ADAM28: variants seen among roughly 807,000 people sequenced by gnomAD.
ADAM28 encodes the protein disintegrin and metalloproteinase domain-containing protein 28.
A neutral mutation model predicts 101.2 loss-of-function variants in ADAM28; 105 were observed. The observed-to-expected ratio is 1.04, with a 90% CI of 0.89 to 1.22. The LOEUF is 1.22. Among genes scored for constraint, ADAM28 ranks in the 50% most tolerant of loss-of-function variants. ADAM28 has a pLI of 0.00. For missense variants in ADAM28, 1,028 were observed against 945.4 expected, an observed-to-expected ratio of 1.09 and a Z score of -1.15; for synonymous variants, 322 against 310.6, an observed-to-expected ratio of 1.04 and a Z score of -0.39.
intron 2 of ADAM28, among the ~76,000 whole-genome samples, chr8:24,306,463 A>G (rs1265626635): frequency 6.7e-6 from 1 of 149,612 alleles, no homozygotes; most frequent in African/African-American, 2.5e-5. Context: ...AATGAATCTA[A>G]TTTTCCCAGC....
At chr8:24,350,083 T>G (rs895581978) in intron 19 of ADAM28, 111 bp downstream of exon 19, 2 of 915,138 alleles carry the variant, frequency 2.2e-6, no homozygotes, top group African/African-American at 3.3e-5. Flanking sequence ...CTTCTAATAT[T>G]CAGAAATACA....
intron 22 of ADAM28, among the ~76,000 whole-genome samples, 185 bp downstream of exon 22, chr8:24,354,017 AT>A (rs1194795172): frequency 1.3e-5 from 2 of 152,074 alleles, no homozygotes; most frequent in Non-Finnish European, 2.9e-5. Context: ...AAATTAGAAG[AT>A]TCTCAGCTAG....
At chr8:24,341,547 T>C in intron 15 of ADAM28, 51 bp from the exon 16 acceptor site, 1 of 1,570,706 alleles carries the variant, frequency 6.4e-7, no homozygotes, top group Non-Finnish European at 8.7e-7. Flanking sequence ...CTAGAGCATT[T>C]ATGTAAAACT....
chr8:24,343,267 A>C (rs1392952750), intron 17 of ADAM28, 86 bp downstream of exon 17: 1 of 1,483,506 alleles, frequency 6.7e-7, no homozygotes, highest in Admixed American at 1.8e-5. Context: ...GAATATTTTC[A>C]GCTTTAAATG....
chr8:24,327,348 C>A (rs1168553419), intron 10 of ADAM28, among the ~76,000 whole-genome samples: 1 of 152,068 alleles, frequency 6.6e-6, no homozygotes, highest in Non-Finnish European at 1.5e-5. Flanking sequence ...TGAAGGACCT[C>A]TTCAAGGAGA....
At chr8:24,352,942 T>C (rs114309139) in intron 21 of ADAM28, among the ~76,000 whole-genome samples, 1,544 of 152,252 alleles carry the variant, frequency 0.01, 27 homozygotes, top group African/African-American at 0.036. Context: ...CAGATAGTCA[T>C]TGGTGAATTT....
intron 8 of ADAM28, among the ~76,000 whole-genome samples, chr8:24,323,632 A>G (rs1158275183): frequency 6.6e-6 from 1 of 151,906 alleles, no homozygotes; most frequent in Non-Finnish European, 1.5e-5. Context: ...GACCTAAACT[A>G]TCTTAGTGTA....
At chr8:24,324,111 A>T (rs1812237674) in intron 9 of ADAM28, 108 bp downstream of exon 9, 1 of 964,808 alleles carries the variant, frequency 1.0e-6, no homozygotes, top group East Asian at 2.6e-5. Context: ...TTTATAGAGC[A>T]CTTACTTGGA....
At chr8:24,311,587 C>A in intron 5 of ADAM28, 150 bp downstream of exon 5, 1 of 503,250 alleles carries the variant, frequency 2.0e-6, no homozygotes, top group Non-Finnish European at 3.3e-6. Context: ...GAAGAAACAC[C>A]GCTTCTCTTG....
At chr8:24,300,524 C>T (rs913772053) in intron 2 of ADAM28, among the ~76,000 whole-genome samples, 28 of 152,144 alleles carry the variant, frequency 1.8e-4, no homozygotes, top group Non-Finnish European at 3.2e-4. Context: ...TCACGCCATT[C>T]TCCGCCTCAG....
chr8:24,315,358 A>G (rs6988631), intron 6 of ADAM28, among the ~76,000 whole-genome samples: 24,696 of 151,960 alleles, frequency 0.16, 2,121 homozygotes, highest in East Asian at 0.34. Flanking sequence ...GAAATGAAAA[A>G]AAGATCTTAA....
Position 24,335,651 on chromosome 8 carries a change from C to G in ADAM28, c.1567+10C>G. 2 of 1,585,716 alleles carry G rather than the reference C, an allele frequency of 1.3e-6. No individual in the cohort carries two copies. The highest frequency in any genetic ancestry group is 1.7e-6 in the Non-Finnish European group (2 of 1,166,620). ...GAGCTGTGGGGACCAGGTAGGAGGACAAATCCTTTCCCCTGTGCATGTGCG... is the reference window on the plus strand; with the variant it reads ...GAGCTGTGGGGACCAGGTAGGAGGAGAAATCCTTTCCCCTGTGCATGTGCG... On this transcript the variant is annotated intron_variant, in intron 14 of 22. Transcript: ENST00000265769.
At chr8:24,301,463 ATC>A (rs1808761175) in intron 2 of ADAM28, among the ~76,000 whole-genome samples, 1 of 152,192 alleles carries the variant, frequency 6.6e-6, no homozygotes, top group Non-Finnish European at 1.5e-5. Flanking sequence ...TATCCCCTGA[ATC>A]TAAAATAAAA....
chr8:24,345,527 T>G lies in ADAM28; in HGVS notation c.1990+1943T>G, dbSNP rs1038298200. Among the ~76,000 whole-genome samples the G allele has an allele frequency of 2.0e-5, 3 of 152,088 alleles. No homozygotes were observed. In the South Asian group the frequency reaches 6.2e-4, roughly 32 times the overall value. ...ATTTTTATGTGTCTTTGAAATATTTTTTTATCCCAGTTGGTTGTTTTCTCC... is the reference window on the plus strand; with the variant it reads ...ATTTTTATGTGTCTTTGAAATATTTGTTTATCCCAGTTGGTTGTTTTCTCC... On this transcript the variant is annotated intron_variant, in intron 18 of 22. Transcript: ENST00000265769.
chr8:24,330,584 T>C (rs1217985850), intron 11 of ADAM28, among the ~76,000 whole-genome samples: 2 of 152,196 alleles, frequency 1.3e-5, no homozygotes, highest in Non-Finnish European at 1.5e-5. Context: ...ATTCATGTCC[T>C]CTTTTCTATA....
chr8:24,350,565 C>T (rs1399963315), intron 19 of ADAM28, among the ~76,000 whole-genome samples: 1 of 152,170 alleles, frequency 6.6e-6, no homozygotes, highest in African/African-American at 2.4e-5. Context: ...CCCACTTTGG[C>T]TTCCCTAAGT....
intron 6 of ADAM28, 90 bp from the exon 7 acceptor site, chr8:24,320,146 C>A: frequency 2.1e-6 from 2 of 932,580 alleles, no homozygotes; most frequent in South Asian, 2.9e-5. Context: ...AGATATCAAC[C>A]AACTGCTTAT....
chr8:24,320,298 T>A lies in ADAM28; in HGVS notation c.639T>A (p.Asp213Glu). The A allele has an allele frequency of 1.3e-6, 2 of 1,599,668 alleles. No homozygotes were observed. The highest frequency in any genetic ancestry group is 1.7e-6 in the Non-Finnish European group (2 of 1,169,404). Reference protein sequence around the residue: ...EKYIEYYLVLDNGEFKRYNEN... With the variant: ...EKYIEYYLVLENGEFKRYNEN... Reference sequence around the variant, plus strand: ...ACATAGAATATTATTTGGTCCTGGATAATGGTGAGGTAATTATATGAGATA... The same window carrying A: ...ACATAGAATATTATTTGGTCCTGGAAAATGGTGAGGTAATTATATGAGATA... Residue 213 changes from aspartate (D) to glutamate (E), a missense_variant, in exon 7 of 23, where the codon GAT becomes GAA. By Grantham distance (45) the Asp-to-Glu change is conservative (BLOSUM62 2). Coordinates refer to ENST00000265769, the MANE Select transcript of ADAM28 (RefSeq NM_014265.6).
chr8:24,334,491 G>A (rs1166648069), intron 13 of ADAM28, among the ~76,000 whole-genome samples: 1 of 151,798 alleles, frequency 6.6e-6, no homozygotes, highest in East Asian at 1.9e-4. Flanking sequence ...CTTTCAACTG[G>A]ACTTGAAAAA....
Sources: allele counts gnomAD v4.1 joint callset (sites outside exome capture counted in the v4.1 genomes callset), GRCh38; gene constraint gnomAD v4.1.1; transcripts MANE v1.5; gene names NCBI Gene and HGNC (gene_info 2026-07-23, HGNC 2026-07-21).